The following A1CF variants were observed in gnomAD, a reference collection of about 807,000 sequenced individuals.
A1CF encodes APOBEC1 complementation factor.
A1CF carries 48 observed loss-of-function variants against 68.9 expected under a neutral mutation model. The ratio of observed to expected loss-of-function variants is 0.70; its 90% CI spans 0.55 to 0.89. The LOEUF (loss-of-function observed/expected upper bound fraction) is 0.89, where lower values mean the gene tolerates loss of function less well. Ranked by LOEUF, A1CF falls within the 40% of genes least tolerant of loss-of-function variation. The pLI, the probability that A1CF is intolerant of heterozygous loss-of-function variation, is 0.00. For missense variants in A1CF, 653 were observed against 718.9 expected (o/e 0.91, Z 1.05); for synonymous variants, 272 against 260.4 (o/e 1.04, Z -0.43).
rs377531882 is a variant in A1CF, at chr10:50,847,191, A to G, written c.100-3069T>C. 3.5e-4 allele frequency among the ~76,000 whole-genome samples: 53 copies of G among 152,246 alleles called. 2 individuals carry two copies. The South Asian group carries it at 9.7e-3, about 28-fold the overall frequency. ...AATAGTTCAGACTAAAAGAATATAGATTTTTGTTTTTCATGAGAGAATGTT... is the reference window on the plus strand; with the variant it reads ...AATAGTTCAGACTAAAAGAATATAGGTTTTTGTTTTTCATGAGAGAATGTT... On this transcript the variant is annotated intron_variant, in intron 3 of 12. Transcript: ENST00000373997.
intron 1 of A1CF, among the ~76,000 whole-genome samples, chr10:50,877,360 A>C (rs1014898153): frequency 6.6e-6 from 1 of 152,144 alleles, no homozygotes; most frequent in Non-Finnish European, 1.5e-5. Flanking sequence ...TTTTAACCTT[A>C]TTGAGACTCT....
Position 50,816,376 on chromosome 10 carries a change from T to G in A1CF, c.868-97A>C, listed in dbSNP as rs1838375072. On this transcript the variant is annotated intron_variant, in intron 8 of 12. Transcript: ENST00000373997. ...ACATGACTCCTTCTAAGTGTTAGAC[T>G]ATTTGCTGTAGGTTTATTGATTGTA... 6 of 1,312,184 alleles carry G rather than the reference T, an allele frequency of 4.6e-6. No individual in the cohort carries two copies. The Admixed American group carries it at 1.0e-4, about 23-fold the overall frequency. The allele number at this position is 1,312,184 out of a possible 1,614,324, so 81.3% of individuals were successfully genotyped here.
intron 1 of A1CF, among the ~76,000 whole-genome samples, chr10:50,875,315 T>C (rs886970336): frequency 6.6e-6 from 1 of 152,202 alleles, no homozygotes; most frequent in African/African-American, 2.4e-5. Flanking sequence ...AAATTCTGGC[T>C]CAAATGGTTT....
At chr10:50,872,602 G>A (rs1169647593) in intron 1 of A1CF, among the ~76,000 whole-genome samples, 1 of 152,158 alleles carries the variant, frequency 6.6e-6, no homozygotes, top group African/African-American at 2.4e-5. Context: ...GAACCAATGA[G>A]GGGGATGCTG....
intron 1 of A1CF, among the ~76,000 whole-genome samples, chr10:50,867,769 C>A (rs57338067): frequency 2.0e-5 from 3 of 152,252 alleles, no homozygotes; most frequent in Non-Finnish European, 4.4e-5. Flanking sequence ...TAGAAGATTT[C>A]TTGGTTAAAA....
In A1CF at chr10:50,841,890, T is replaced by C; in HGVS notation, c.337A>G (p.Ile113Val). The C allele has an allele frequency of 6.2e-7, 1 of 1,613,438 alleles. No individual in the cohort carries two copies. Among genetic ancestry groups the C allele is most frequent in the South Asian group, 1.1e-5 (1 of 91,004 alleles). ...ATTTCATAATTATTAAGTTGCTTGATTGCATTCTTGGCTTCCACTTTATTT... is the reference window on the plus strand; with the variant it reads ...ATTTCATAATTATTAAGTTGCTTGACTGCATTCTTGGCTTCCACTTTATTT... ...FSNKVEAKNA[I>V]KQLNNYEIRN... Residue 113 changes from isoleucine to valine, a missense_variant, in exon 5 of 13, where the codon ATC becomes GTC. Coordinates refer to ENST00000373997, the MANE Select transcript of A1CF (RefSeq NM_014576.4).
intron 3 of A1CF, among the ~76,000 whole-genome samples, chr10:50,854,029 G>T (rs1009505097): frequency 1.3e-5 from 2 of 151,514 alleles, no homozygotes; most frequent in African/African-American, 4.8e-5. Context: ...GTGAACCTAG[G>T]GACCTATCAC....
chr10:50,877,041 A>T (rs1841547030), intron 1 of A1CF, among the ~76,000 whole-genome samples: 2 of 152,216 alleles, frequency 1.3e-5, no homozygotes, highest in Non-Finnish European at 1.5e-5. Context: ...ATACTCAACT[A>T]TTCCCAAAAT....
intron 1 of A1CF, among the ~76,000 whole-genome samples, chr10:50,873,356 C>G: frequency 6.6e-6 from 1 of 152,124 alleles, no homozygotes; most frequent in East Asian, 1.9e-4. Context: ...GACCAAATAT[C>G]TCATGAGGTT....
intron 1 of A1CF, among the ~76,000 whole-genome samples, chr10:50,873,238 G>A (rs1841358598): frequency 6.6e-6 from 1 of 152,030 alleles, no homozygotes; most frequent in Non-Finnish European, 1.5e-5. Context: ...TTATAGGTGT[G>A]AGCCACCTCG....
intron 4 of A1CF, 128 bp from the exon 5 acceptor site, chr10:50,842,120 C>G: frequency 1.2e-6 from 1 of 805,604 alleles, no homozygotes; most frequent in South Asian, 1.9e-5. Context: ...CCTGCCAGTA[C>G]TATTTGGCAT....
chr10:50,861,527 A>G (rs1840745102), intron 2 of A1CF, among the ~76,000 whole-genome samples: 1 of 148,478 alleles, frequency 6.7e-6, no homozygotes, highest in African/African-American at 2.4e-5. Context: ...ATTAGTAACA[A>G]TAACAATATT....
chr10:50,877,850 C>A (rs370002025), intron 1 of A1CF, among the ~76,000 whole-genome samples: 1 of 152,306 alleles, frequency 6.6e-6, no homozygotes, highest in East Asian at 1.9e-4. Context: ...GGGCCGGGCG[C>A]CGTGGCTCAC....
At chr10:50,853,306 C>T (rs1486239713) in intron 3 of A1CF, among the ~76,000 whole-genome samples, 1 of 152,130 alleles carries the variant, frequency 6.6e-6, no homozygotes, top group Non-Finnish European at 1.5e-5. Context: ...GGAGTACTGC[C>T]TGTGTGCTCC....
chr10:50,854,097 C>T (rs957696982), intron 3 of A1CF, among the ~76,000 whole-genome samples: 12 of 151,562 alleles, frequency 7.9e-5, no homozygotes, highest in African/African-American at 2.9e-4. Context: ...TTTTTAACTC[C>T]TGACTGACCC....
chr10:50,831,846 A>G (rs967185149), intron 6 of A1CF, among the ~76,000 whole-genome samples: 2 of 152,186 alleles, frequency 1.3e-5, no homozygotes, highest in African/African-American at 4.8e-5. Flanking sequence ...TCAGGCAAAT[A>G]TAAATCAAAA....
At position 50,879,259 on chromosome 10, in the gene A1CF, C is replaced by G. The variant is rs1353980155; in HGVS notation, c.-94+6322G>C. ...CTTAGCAGACACAGACCTAGCAGCC[C>G]AATTATTTTTTCCATGGGGAAAAGG... is the stretch of plus-strand genomic sequence containing the variant. On this transcript the variant is annotated intron_variant, in intron 1 of 12. Transcript: ENST00000373997. Among the ~76,000 whole-genome samples, 3 of 152,088 alleles carry G rather than the reference C, an allele frequency of 2.0e-5. No individual in the cohort carries two copies. In the East Asian group the frequency reaches 5.8e-4, roughly 29 times the overall value.
At chr10:50,847,277 C>A (rs1451027237) in intron 3 of A1CF, among the ~76,000 whole-genome samples, 1 of 152,144 alleles carries the variant, frequency 6.6e-6, no homozygotes, top group Non-Finnish European at 1.5e-5. Flanking sequence ...TCTCTAGAGT[C>A]ATATACAAAT....
At chr10:50,807,804 T>G (rs1837906143) in intron 12 of A1CF, among the ~76,000 whole-genome samples, 1 of 152,224 alleles carries the variant, frequency 6.6e-6, no homozygotes, top group South Asian at 2.1e-4. Flanking sequence ...GCACCTATTT[T>G]TCATTGTTGT....
Sources: gnomAD v4.1 joint callset for allele counts (sites outside exome capture counted in the v4.1 genomes callset) on GRCh38, gnomAD v4.1.1 for gene constraint, MANE v1.5 for transcripts, NCBI Gene and HGNC (gene_info 2026-07-23, HGNC 2026-07-21) for gene names.